Variants in MECOM observed in about 807,000 individuals in gnomAD.
MECOM encodes histone-lysine N-methyltransferase MECOM.
Under a neutral mutation model 116.3 loss-of-function variants are expected in MECOM, and 13 were observed. The ratio of observed to expected loss-of-function variants is 0.11; its 90% CI spans 0.07 to 0.18. The LOEUF is 0.18. Among genes scored for constraint, MECOM ranks in the 10% least tolerant of loss-of-function variants. The probability of loss-of-function intolerance (pLI) is 1.00; values close to 1 mark genes in which losing one functional copy is unlikely to be tolerated. For missense variants in MECOM, 1,299 were observed against 1,509.0 expected (o/e 0.86, Z 2.31); for synonymous variants, 528 against 535.2 (o/e 0.99, Z 0.19).
At chr3:169,219,004 G>A (rs1214409151) in intron 2 of MECOM, among the ~76,000 whole-genome samples, 1 of 152,092 alleles carries the variant, frequency 6.6e-6, no homozygotes, top group African/African-American at 2.4e-5. Context: ...GATCTTGGAT[G>A]TGTGTCTGTG....
chr3:169,450,814 C>T (rs1475203038), intron 1 of MECOM, among the ~76,000 whole-genome samples: 1 of 152,112 alleles, frequency 6.6e-6, no homozygotes, highest in East Asian at 1.9e-4. Context: ...AGCTGTGCAT[C>T]AGGAGCTGTT....
In MECOM at chr3:169,437,382, A is replaced by T. The variant is rs117097989; in HGVS notation, c.38-55858T>A. 1.9e-3 allele frequency among the ~76,000 whole-genome samples: 282 copies of T among 152,322 alleles called. 4 individuals are homozygous for T. In the East Asian group the frequency reaches 0.048, roughly 26 times the overall value. On this transcript the variant is annotated intron_variant, in intron 1 of 16. Coordinates refer to ENST00000651503, the MANE Select transcript of MECOM (RefSeq NM_004991.4). ...TCTATACAGGAAGGTTTATTGTTAAACGTATAGGAGACATTCAAATATTAA... is the reference window on the plus strand; with the variant it reads ...TCTATACAGGAAGGTTTATTGTTAATCGTATAGGAGACATTCAAATATTAA...
intron 2 of MECOM, among the ~76,000 whole-genome samples, chr3:169,296,760 T>A (rs958916433): frequency 6.6e-6 from 1 of 152,218 alleles, no homozygotes; most frequent in Non-Finnish European, 1.5e-5. Context: ...GAGATGAACC[T>A]GAGAACTGAC....
intron 6 of MECOM, among the ~76,000 whole-genome samples, chr3:169,122,003 G>C (rs894747282): frequency 6.6e-6 from 1 of 152,110 alleles, no homozygotes; most frequent in Non-Finnish European, 1.5e-5. Context: ...GAAATTAAAA[G>C]AAGTGAATTA....
intron 14 of MECOM, among the ~76,000 whole-genome samples, chr3:169,091,214 A>G (rs1441500093): frequency 1.3e-5 from 2 of 152,160 alleles, no homozygotes; most frequent in Non-Finnish European, 2.9e-5. Context: ...GTAAAAGAAC[A>G]AAAAGAGTGC....
chr3:169,256,090 A>G (rs1157536582), intron 2 of MECOM, among the ~76,000 whole-genome samples: 1 of 152,204 alleles, frequency 6.6e-6, no homozygotes, highest in Non-Finnish European at 1.5e-5. Context: ...AAAAGTCTTC[A>G]AAAATACTTA....
At chr3:169,477,441 G>C (rs1196569813) in intron 1 of MECOM, among the ~76,000 whole-genome samples, 1 of 152,018 alleles carries the variant, frequency 6.6e-6, no homozygotes, top group African/African-American at 2.4e-5. Context: ...GTATAAAAGA[G>C]AATTTTTTTC....
intron 1 of MECOM, chr3:169,389,495 T>C (rs1211714472): frequency 3.4e-6 from 3 of 875,044 alleles, no homozygotes; most frequent in Non-Finnish European, 4.1e-6. Context: ...TTTTATGTTT[T>C]AGCTATGTGC....
intron 2 of MECOM, among the ~76,000 whole-genome samples, chr3:169,300,557 C>A (rs1263341553): frequency 6.6e-6 from 1 of 152,166 alleles, no homozygotes; most frequent in Non-Finnish European, 1.5e-5. Flanking sequence ...GATGTAAAAA[C>A]AATGAACAAG....
At chr3:169,530,380 A>C (rs1384989403) in intron 1 of MECOM, among the ~76,000 whole-genome samples, 1 of 152,230 alleles carries the variant, frequency 6.6e-6, no homozygotes, top group Admixed American at 6.5e-5. Context: ...CAGGGTCATG[A>C]AAGCGCATTA....
Position 169,484,290 on chromosome 3 carries a change from AAAG to A in MECOM, c.38-102769_38-102767del, listed in dbSNP as rs138518167. On this transcript the variant is annotated intron_variant, in intron 1 of 16. Transcript: ENST00000651503. ...TAAAAAGAAACAAAAGAGAAAAAAG[AAAG>A]AAAGAGGAGATAAAGAAGAGGGCTA... 0.014 allele frequency among the ~76,000 whole-genome samples: 2,184 copies of A among 152,278 alleles called. 164 individuals are homozygous for A. The East Asian group carries it at 0.24, about 17-fold the overall frequency.
intron 16 of MECOM, chr3:169,086,396 T>C: frequency 1.7e-6 from 1 of 593,552 alleles, no homozygotes; most frequent in East Asian, 2.8e-5. Context: ...GAGAACAAGA[T>C]AAAGAGTACT....
At chr3:169,579,503 T>C (rs75462945) in intron 1 of MECOM, among the ~76,000 whole-genome samples, 2,596 of 152,240 alleles carry the variant, frequency 0.017, 29 homozygotes, top group Non-Finnish European at 0.025. Flanking sequence ...TCCTGTTTCC[T>C]GAAGGGGTAA....
chr3:169,474,252 T>C (rs6809660), intron 1 of MECOM, among the ~76,000 whole-genome samples: 64,260 of 151,988 alleles, frequency 0.42, 14,014 homozygotes, highest in Middle Eastern at 0.49. Context: ...AACAACAAAC[T>C]TCATTACTAT....
chr3:169,485,984 AGT>A (rs1752259535), intron 1 of MECOM, among the ~76,000 whole-genome samples: 2 of 101,840 alleles, frequency 2.0e-5, no homozygotes, highest in Admixed American at 2.2e-4. Flanking sequence ...ATATATATAT[AGT>A]ATATATATGT....
rs141267703 is a variant in MECOM at position 169,091,185 on chromosome 3, T to TA, written c.3165-950dup. The stretch of plus-strand genomic sequence containing the variant: ...GCATGAGTGGATTAAAATTTTTATT[T>TA]AAAAAAAAGAAAGAAAAAGTAAAAG... On this transcript the variant is annotated intron_variant, in intron 14 of 16. Transcript: ENST00000651503. Among the ~76,000 whole-genome samples the TA allele has an allele frequency of 4.6e-5, 7 of 151,652 alleles. No homozygotes were observed. In the East Asian group the frequency reaches 1.2e-3, roughly 25 times the overall value.
intron 1 of MECOM, among the ~76,000 whole-genome samples, chr3:169,459,461 T>C (rs1747062151): frequency 6.6e-6 from 1 of 152,224 alleles, no homozygotes; most frequent in African/African-American, 2.4e-5. Flanking sequence ...TGTCACACTT[T>C]CTTTACACTT....
intron 1 of MECOM, among the ~76,000 whole-genome samples, chr3:169,406,848 T>TC (rs1443173516): frequency 6.7e-6 from 1 of 150,174 alleles, no homozygotes; most frequent in Non-Finnish European, 1.5e-5. Flanking sequence ...TGTTTTTTTT[T>TC]GTTTTTTTTT....
intron 1 of MECOM, among the ~76,000 whole-genome samples, chr3:169,493,280 TC>T (rs200304476): frequency 0.012 from 1,807 of 152,318 alleles, 43 homozygotes; most frequent in African/African-American, 0.042. Context: ...GTAGCATGTC[TC>T]ATAAAACTTG....
Sources: gnomAD v4.1 joint callset for allele counts (sites outside exome capture counted in the v4.1 genomes callset) on GRCh38, gnomAD v4.1.1 for gene constraint, MANE v1.5 for transcripts, NCBI Gene and HGNC (gene_info 2026-07-23, HGNC 2026-07-21) for gene names.